The following TSPAN9 variants were observed in gnomAD, a reference collection of about 807,000 sequenced individuals.
TSPAN9 encodes tetraspanin-9.
Under a neutral mutation model 31.0 loss-of-function variants are expected in TSPAN9, and 16 were observed. That is an observed-to-expected ratio of 0.52 (90% CI 0.35 to 0.78). TSPAN9 has a LOEUF of 0.78. Among genes scored for constraint, TSPAN9 ranks in the 30% least tolerant of loss-of-function variants. The probability of loss-of-function intolerance (pLI) is 0.01; values close to 1 mark genes in which losing one functional copy is unlikely to be tolerated. For missense variants in TSPAN9, 272 were observed against 312.5 expected, an observed-to-expected ratio of 0.87 and a Z score of 0.98; for synonymous variants, 145 against 121.6, an observed-to-expected ratio of 1.19 and a Z score of -1.27.
intron 2 of TSPAN9, among the ~76,000 whole-genome samples, chr12:3,088,850 C>G (rs1479562621): frequency 2.0e-5 from 3 of 151,736 alleles, no homozygotes; most frequent in African/African-American, 7.3e-5. Flanking sequence ...GTCTGGGGCA[C>G]CTGACATACT....
intron 2 of TSPAN9, among the ~76,000 whole-genome samples, chr12:3,097,702 G>T (rs12828428): frequency 0.11 from 17,229 of 152,232 alleles, 1,209 homozygotes; most frequent in East Asian, 0.35. Flanking sequence ...GGCTCCCCCC[G>T]CAATCCATGC....
At position 3,174,834 on chromosome 12, in the gene TSPAN9, G is replaced by A. The variant is rs559811310; in HGVS notation, c.-17-26343G>A. 4.5e-3 allele frequency among the ~76,000 whole-genome samples: 688 copies of A among 151,212 alleles called. 2 individuals are homozygous for A. The highest frequency in any genetic ancestry group is 0.015 in the African/African-American group (628 of 41,240). On this transcript the variant is annotated intron_variant, in intron 2 of 8. Transcript: ENST00000011898. Reference sequence around the variant, plus strand: ...CCTGACCTCGTGATCCTCCCGCCTCGGCCTCCCAAAGTGCTGGGATTACAG... The same window carrying A: ...CCTGACCTCGTGATCCTCCCGCCTCAGCCTCCCAAAGTGCTGGGATTACAG...
chr12:3,238,694 A>G (rs1482477262), intron 3 of TSPAN9, among the ~76,000 whole-genome samples: 1 of 152,192 alleles, frequency 6.6e-6, no homozygotes, highest in Non-Finnish European at 1.5e-5. Context: ...AACGGGGTAA[A>G]GATTCTCTCT....
At chr12:3,263,401 C>T (rs1478913865) in intron 3 of TSPAN9, among the ~76,000 whole-genome samples, 1 of 152,220 alleles carries the variant, frequency 6.6e-6, no homozygotes, top group Non-Finnish European at 1.5e-5. Flanking sequence ...TCTGTCAGCT[C>T]ATAAGCATAT....
chr12:3,179,834 G>A (rs2098357765), intron 2 of TSPAN9, among the ~76,000 whole-genome samples: 1 of 152,200 alleles, frequency 6.6e-6, no homozygotes, highest in East Asian at 1.9e-4. Context: ...AGATAGTGGT[G>A]AGATTGACGG....
At chr12:3,140,804 C>CA (rs886574199) in intron 2 of TSPAN9, among the ~76,000 whole-genome samples, 8 of 151,780 alleles carry the variant, frequency 5.3e-5, no homozygotes, top group South Asian at 2.1e-4. Context: ...TGGGAAAGCC[C>CA]AGGGGAAGAG....
intron 3 of TSPAN9, among the ~76,000 whole-genome samples, chr12:3,207,030 C>A (rs1482538717): frequency 6.6e-6 from 1 of 152,106 alleles, no homozygotes; most frequent in African/African-American, 2.4e-5. Context: ...ATGCAATGGG[C>A]TGAACCCAGA....
chr12:3,150,686 T>C (rs746800494), intron 2 of TSPAN9, among the ~76,000 whole-genome samples: 4 of 152,202 alleles, frequency 2.6e-5, no homozygotes, highest in Non-Finnish European at 5.9e-5. Flanking sequence ...GCCCTCCTTC[T>C]AGCTGGGGGT....
intron 3 of TSPAN9, among the ~76,000 whole-genome samples, chr12:3,229,330 T>A (rs1217785407): frequency 6.6e-6 from 1 of 152,214 alleles, no homozygotes; most frequent in Non-Finnish European, 1.5e-5. Context: ...TCAACCTCAT[T>A]GGTCTCGTGG....
chr12:3,121,245 G>A lies in TSPAN9; in HGVS notation c.-18+37526G>A, dbSNP rs893978354. 7.2e-5 allele frequency among the ~76,000 whole-genome samples: 11 copies of A among 152,156 alleles called. No homozygotes were observed. In the South Asian group the frequency reaches 2.1e-3, roughly 29 times the overall value. ...TCATTTTGCAGATCTCAGGCTTAGAGCTGAGGTTGCAATCCAGTGGCCTCT... is the reference window on the plus strand; with the variant it reads ...TCATTTTGCAGATCTCAGGCTTAGAACTGAGGTTGCAATCCAGTGGCCTCT... On this transcript the variant is annotated intron_variant, in intron 2 of 8. Transcript: ENST00000011898.
intron 2 of TSPAN9, among the ~76,000 whole-genome samples, chr12:3,132,622 T>G (rs2098330295): frequency 6.6e-6 from 1 of 152,168 alleles, no homozygotes; most frequent in South Asian, 2.1e-4. Context: ...GTGGCCCCAT[T>G]TGTCTAGATC....
At chr12:3,127,772 A>G (rs1311708085) in intron 2 of TSPAN9, among the ~76,000 whole-genome samples, 3 of 152,226 alleles carry the variant, frequency 2.0e-5, no homozygotes, top group Non-Finnish European at 4.4e-5. Flanking sequence ...TGTACTGTCC[A>G]TAATTGTATG....
intron 3 of TSPAN9, among the ~76,000 whole-genome samples, chr12:3,222,747 T>G (rs2098385188): frequency 6.6e-6 from 1 of 151,836 alleles, no homozygotes; most frequent in Non-Finnish European, 1.5e-5. Flanking sequence ...GACCAGAGAC[T>G]GAGGTTCACC....
intron 3 of TSPAN9, 74 bp from the exon 4 acceptor site, chr12:3,278,347 G>A (rs961647032): frequency 3.2e-6 from 5 of 1,570,348 alleles, no homozygotes; most frequent in African/African-American, 1.4e-5. Flanking sequence ...ATGGGGTGGG[G>A]ACCTGCACTG....
At chr12:3,269,133 T>C (rs373973517) in intron 3 of TSPAN9, among the ~76,000 whole-genome samples, 16 of 81,888 alleles carry the variant, frequency 2.0e-4, no homozygotes, top group African/African-American at 3.2e-4. Flanking sequence ...GCCTGCCCTC[T>C]GTGCGTTCCT....
intron 3 of TSPAN9, among the ~76,000 whole-genome samples, chr12:3,229,336 C>T (rs922286897): frequency 6.6e-6 from 1 of 152,200 alleles, no homozygotes; most frequent in Admixed American, 6.5e-5. Flanking sequence ...TCATTGGTCT[C>T]GTGGCCTGGC....
intron 3 of TSPAN9, among the ~76,000 whole-genome samples, chr12:3,267,748 C>T (rs567277648): frequency 6.6e-6 from 1 of 152,196 alleles, no homozygotes; most frequent in African/African-American, 2.4e-5. Context: ...TTCCACTTTA[C>T]AGTGACCTTG....
chr12:3,191,391 T>A (rs2098364343), intron 2 of TSPAN9, among the ~76,000 whole-genome samples: 1 of 152,112 alleles, frequency 6.6e-6, no homozygotes, highest in South Asian at 2.1e-4. Flanking sequence ...GCTGCCCCCC[T>A]GCCAGGGTGC....
intron 2 of TSPAN9, among the ~76,000 whole-genome samples, chr12:3,142,986 T>G (rs2098335602): frequency 6.6e-6 from 1 of 152,136 alleles, no homozygotes. Flanking sequence ...TTGACAGTGG[T>G]GAGGAGTGCT....
Sources: gnomAD v4.1 joint callset for allele counts (sites outside exome capture counted in the v4.1 genomes callset) on GRCh38, gnomAD v4.1.1 for gene constraint, MANE v1.5 for transcripts, NCBI Gene and HGNC (gene_info 2026-07-23, HGNC 2026-07-21) for gene names.